The following MECR variants were observed in gnomAD, a reference collection of about 807,000 sequenced individuals.
MECR encodes the protein enoyl-[acyl-carrier-protein] reductase, mitochondrial.
MECR carries 37 observed loss-of-function variants against 49.1 expected under a neutral mutation model. That is an observed-to-expected ratio of 0.75 (90% CI 0.58 to 0.99). The LOEUF (loss-of-function observed/expected upper bound fraction) is 0.99, where lower values mean the gene tolerates loss of function less well. MECR is among the 50% of genes least tolerant of loss of function. The pLI, the probability that MECR is intolerant of heterozygous loss-of-function variation, is 0.00. For synonymous variants in MECR, 198 were observed against 191.1 expected (o/e 1.04, Z -0.30); for missense variants, 470 against 479.6 (o/e 0.98, Z 0.19).
At chr1:29,175,378 G>A in the MECR span, among the ~76,000 whole-genome samples, 6 of 150,380 alleles carry the variant, frequency 4.0e-5, no homozygotes, top group Non-Finnish European at 8.9e-5. Context: ...TCCAGCCTGG[G>A]CAACAGACAG....
At chr1:29,215,727 C>A (rs181380467) in intron 3 of MECR, among the ~76,000 whole-genome samples, 2 of 151,700 alleles carry the variant, frequency 1.3e-5, no homozygotes, top group Non-Finnish European at 2.9e-5. Context: ...AAAAATTAGC[C>A]GGGCGTGGTG....
intron 1 of MECR, among the ~76,000 whole-genome samples, chr1:29,227,152 C>G (rs1206884246): frequency 6.6e-6 from 1 of 151,924 alleles, no homozygotes; most frequent in Admixed American, 6.6e-5. Flanking sequence ...TTAGTAGAGA[C>G]AGGGTTTCGA....
chr1:29,182,696 C>T, the MECR span, among the ~76,000 whole-genome samples: 1 of 152,080 alleles, frequency 6.6e-6, no homozygotes, highest in Non-Finnish European at 1.5e-5. Context: ...GGCGCCCGCC[C>T]CCACGCCCGG....
intron 3 of MECR, among the ~76,000 whole-genome samples, chr1:29,208,795 G>A (rs930761724): frequency 1.3e-5 from 2 of 151,980 alleles, no homozygotes; most frequent in Non-Finnish European, 2.9e-5. Flanking sequence ...TAGTGGAGTC[G>A]AACAGGTGAA....
intron 1 of MECR, among the ~76,000 whole-genome samples, chr1:29,219,805 A>G (rs1680324529): frequency 6.6e-6 from 1 of 152,116 alleles, no homozygotes; most frequent in African/African-American, 2.4e-5. Flanking sequence ...CCACATAAAA[A>G]CCTCGTTAGA....
chr1:29,182,212 T>G, the MECR span, among the ~76,000 whole-genome samples: 1 of 152,314 alleles, frequency 6.6e-6, no homozygotes, highest in Non-Finnish European at 1.5e-5. Flanking sequence ...GTGGTTTGGA[T>G]TTCGGAGCTG....
chr1:29,197,487 A>T (rs1674287636), intron 7 of MECR, among the ~76,000 whole-genome samples: 1 of 152,160 alleles, frequency 6.6e-6, no homozygotes. Context: ...CATAATTTTT[A>T]AGTGAATAAG....
intron 1 of MECR, among the ~76,000 whole-genome samples, chr1:29,226,923 GAGA>G (rs1379714645): frequency 6.7e-6 from 1 of 148,560 alleles, no homozygotes; most frequent in Non-Finnish European, 1.5e-5. Context: ...AAGAAGGCAA[GAGA>G]AGAACTAAGC....
the MECR span, among the ~76,000 whole-genome samples, chr1:29,174,558 A>G: frequency 4.6e-5 from 7 of 152,142 alleles, no homozygotes; most frequent in Non-Finnish European, 1.0e-4. Flanking sequence ...GAAAAGGATC[A>G]GGCTGTTAGG....
chr1:29,221,302 T>C (rs1021922672), intron 1 of MECR: 1 of 151,906 alleles, frequency 6.6e-6, no homozygotes, highest in Non-Finnish European at 1.5e-5. Flanking sequence ...GAGGGAGGCT[T>C]GTGGTGCTGA....
At chr1:29,204,406 G>C (rs1302752321) in intron 4 of MECR, among the ~76,000 whole-genome samples, 1 of 152,016 alleles carries the variant, frequency 6.6e-6, no homozygotes, top group Non-Finnish European at 1.5e-5. Context: ...TCAACGTACA[G>C]GTTGTCACCC....
At chr1:29,200,663 G>A in intron 6 of MECR, 74 bp from the exon 7 acceptor site, 4 of 1,298,618 alleles carry the variant, frequency 3.1e-6, no homozygotes, top group Admixed American at 3.5e-5. Context: ...CCCAAGTGCT[G>A]TGTTAAAAGG....
intron 3 of MECR, among the ~76,000 whole-genome samples, chr1:29,213,924 T>C (rs929091542): frequency 2.0e-5 from 3 of 152,206 alleles, no homozygotes; most frequent in Non-Finnish European, 2.9e-5. Context: ...ATTTGTTGGT[T>C]TGATTATATC....
chr1:29,218,467 G>A (rs1453666099), intron 1 of MECR, among the ~76,000 whole-genome samples: 1 of 152,204 alleles, frequency 6.6e-6, no homozygotes, highest in Non-Finnish European at 1.5e-5. Context: ...TTAGCATTAG[G>A]CAACAGTATC....
At position 29,194,071 on chromosome 1, in the gene MECR, T is replaced by C; in HGVS notation, c.1073A>G (p.Glu358Gly). The C allele has an allele frequency of 6.2e-7, 1 of 1,614,184 alleles. No homozygotes were observed. ...VPLQDYQSAL[E>G]ASMKPFISSK... Reference sequence around the variant, plus strand: ...AGATATGAAGGGCTTCATGGAGGCTTCCAAGGCAGACTGGTAGTCCTGCAG... The same window carrying C: ...AGATATGAAGGGCTTCATGGAGGCTCCCAAGGCAGACTGGTAGTCCTGCAG... Residue 358 changes from glutamate (E) to glycine (G), a missense_variant, in exon 10 of 10, where the codon GAA (glutamate) becomes GGA (glycine). Glu to Gly is a moderately conservative substitution (Grantham distance 98, BLOSUM62 -2). Coordinates refer to ENST00000263702, the MANE Select transcript of MECR (RefSeq NM_016011.5).
intron 1 of MECR, among the ~76,000 whole-genome samples, chr1:29,226,167 TAAAAAAAA>T (rs57234529): frequency 9.0e-5 from 4 of 44,398 alleles, no homozygotes; most frequent in Admixed American, 2.8e-4. Flanking sequence ...AGGCTCTATC[TAAAAAAAA>T]AAAAAAAAAA....
intron 3 of MECR, among the ~76,000 whole-genome samples, chr1:29,209,092 G>T (rs903154700): frequency 6.6e-6 from 1 of 152,200 alleles, no homozygotes. Context: ...TGCAGCAGGG[G>T]CCGGGCAGGT....
intron 1 of MECR, among the ~76,000 whole-genome samples, chr1:29,226,167 TAAAAAAAAAAAA>T (rs57234529): frequency 2.3e-5 from 1 of 44,364 alleles, no homozygotes; most frequent in African/African-American, 8.9e-5. Context: ...AGGCTCTATC[TAAAAAAAAAAAA>T]AAAAAAAAAA....
chr1:29,222,954 G>A (rs1364177380), intron 1 of MECR, among the ~76,000 whole-genome samples: 1 of 152,226 alleles, frequency 6.6e-6, no homozygotes, highest in African/African-American at 2.4e-5. Flanking sequence ...GCTGAGACAG[G>A]AGGGAAAACA....
Sources: gnomAD v4.1 joint callset for allele counts (sites outside exome capture counted in the v4.1 genomes callset) on GRCh38, gnomAD v4.1.1 for gene constraint, MANE v1.5 for transcripts, NCBI Gene and HGNC (gene_info 2026-07-23, HGNC 2026-07-21) for gene names.